Variants in SPTBN1 observed in about 807,000 individuals in gnomAD.
SPTBN1 encodes spectrin beta, non-erythrocytic 1, also known as spectrin beta chain, non-erythrocytic 1.
SPTBN1 carries 32 observed loss-of-function variants against 266.4 expected under a neutral mutation model. The ratio of observed to expected loss-of-function variants is 0.12; its 90% CI spans 0.09 to 0.16. The LOEUF (loss-of-function observed/expected upper bound fraction) is 0.16, where lower values mean the gene tolerates loss of function less well. Among genes scored for constraint, SPTBN1 ranks in the 10% least tolerant of loss-of-function variants. SPTBN1 has a pLI of 1.00. For missense variants in SPTBN1, 2,296 were observed against 3,067.1 expected (o/e 0.75, Z 5.94); for synonymous variants, 1,336 against 1,162.2 (o/e 1.15, Z -3.04).
chr2:54,597,300 A>T (rs893240541), intron 2 of SPTBN1, among the ~76,000 whole-genome samples: 1 of 152,200 alleles, frequency 6.6e-6, no homozygotes, highest in Non-Finnish European at 1.5e-5. Flanking sequence ...CTCCTGAGTC[A>T]CTGTAGTAAA....
intron 1 of SPTBN1, among the ~76,000 whole-genome samples, chr2:54,471,507 A>G (rs1693917515): frequency 6.7e-6 from 1 of 150,166 alleles, no homozygotes; most frequent in Non-Finnish European, 1.5e-5. Flanking sequence ...GGCATTGTGC[A>G]AAGTGACCTG....
chr2:54,590,907 C>T (rs567675534), intron 2 of SPTBN1, among the ~76,000 whole-genome samples: 9 of 152,236 alleles, frequency 5.9e-5, no homozygotes, highest in African/African-American at 2.2e-4. Context: ...TTTGAAAAAC[C>T]ACTGATTGAG....
intron 1 of SPTBN1, among the ~76,000 whole-genome samples, chr2:54,500,763 C>A (rs1177612074): frequency 6.6e-6 from 1 of 151,952 alleles, no homozygotes; most frequent in East Asian, 2.0e-4. Context: ...GTCTCAAACT[C>A]CTAGCCTCAA....
intron 1 of SPTBN1, among the ~76,000 whole-genome samples, chr2:54,517,890 C>T (rs959143750): frequency 4.0e-5 from 6 of 151,326 alleles, no homozygotes; most frequent in South Asian, 4.2e-4. Flanking sequence ...ATGATCCGCC[C>T]GCCTCAGCCT....
intron 6 of SPTBN1, 118 bp downstream of exon 6, chr2:54,617,806 T>C: frequency 2.0e-6 from 2 of 980,194 alleles, no homozygotes; most frequent in African/African-American, 1.6e-5. Context: ...GGTGGAAATT[T>C]CTGCATTCCA....
intron 17 of SPTBN1, among the ~76,000 whole-genome samples, chr2:54,633,248 C>T (rs759672920): frequency 6.6e-6 from 1 of 152,144 alleles, no homozygotes; most frequent in Admixed American, 6.5e-5. Flanking sequence ...GGAACATTAC[C>T]TGGACTTTTT....
At chr2:54,457,428 G>T (rs79175637) in intron 1 of SPTBN1, 5,623 of 152,706 alleles carry the variant, frequency 0.037, 272 homozygotes, top group East Asian at 0.12. Context: ...TGAGGAGGGG[G>T]TGGGGATCAG....
chr2:54,559,765 AATGG>A (rs1673156977), intron 2 of SPTBN1, among the ~76,000 whole-genome samples: 1 of 152,152 alleles, frequency 6.6e-6, no homozygotes, highest in Non-Finnish European at 1.5e-5. Flanking sequence ...GTAGGCTGGG[AATGG>A]CTCTAGCACT....
At chr2:54,655,310 A>G in intron 28 of SPTBN1, 102 bp downstream of exon 28, 1 of 1,416,100 alleles carries the variant, frequency 7.1e-7, no homozygotes, top group Non-Finnish European at 9.6e-7. Flanking sequence ...TTACATTCTT[A>G]TACACACACA....
intron 2 of SPTBN1, among the ~76,000 whole-genome samples, chr2:54,596,173 G>A (rs6739099): frequency 0.28 from 43,119 of 151,962 alleles, 7,597 homozygotes; most frequent in Non-Finnish European, 0.35. Context: ...GCCTTTCATC[G>A]TCAGTGCCAA....
At chr2:54,467,634 C>G (rs1342147341) in intron 1 of SPTBN1, among the ~76,000 whole-genome samples, 2 of 152,170 alleles carry the variant, frequency 1.3e-5, no homozygotes. Flanking sequence ...ATCCACCCTC[C>G]TTGGCCTCCC....
rs142645788 is a variant in SPTBN1, at chr2:54,628,452, G to A, written c.1798+202G>A. ...ATTGATACATCCTTTCCTTAAATAC[G>A]CAAATGCTGCCTTTGCTTTGAGTGG... On this transcript the variant is annotated intron_variant, in intron 13 of 35. Transcript: ENST00000356805. This position sits in a 1 kb window ranked among gnomAD's most constrained non-coding sequence, Gnocchi z 4.3. Among the ~76,000 whole-genome samples the A allele has an allele frequency of 4.1e-4, 62 of 152,200 alleles. No homozygotes were observed. Among genetic ancestry groups the A allele is most frequent in the East Asian group, 1.7e-3 (9 of 5,178 alleles).
At chr2:54,613,766 G>T (rs1216927250) in intron 4 of SPTBN1, among the ~76,000 whole-genome samples, 1 of 152,182 alleles carries the variant, frequency 6.6e-6, no homozygotes, top group Non-Finnish European at 1.5e-5. Context: ...TTTGAAAATG[G>T]AGTAGCCATT....
intron 1 of SPTBN1, among the ~76,000 whole-genome samples, chr2:54,495,933 T>G (rs1668946350): frequency 6.6e-6 from 1 of 152,132 alleles, no homozygotes; most frequent in Non-Finnish European, 1.5e-5. Context: ...TTAATTCATA[T>G]TAAAGAAAAA....
Position 54,649,763 on chromosome 2 carries a change from A to G in SPTBN1, c.5351A>G (p.Asn1784Ser), listed in dbSNP as rs373840795. The change falls in exon 26 of 36, where the codon AAT becomes AGT. Residue 1784 changes from asparagine (N) to serine (S), a missense_variant. Coordinates refer to ENST00000356805, the MANE Select transcript of SPTBN1 (RefSeq NM_003128.3). This position sits in a 1 kb window ranked among gnomAD's most constrained non-coding sequence, Gnocchi z 6.7. ...ATIAEWKDGLNEAWADLLELI... is the reference protein window; with the variant it reads ...ATIAEWKDGLSEAWADLLELI... ...ATCGCTGAATGGAAGGATGGCCTCA[A>G]TGAAGCCTGGGCCGACCTCCTGGAG... 104 of 1,614,190 alleles carry G rather than the reference A, an allele frequency of 6.4e-5. No individual in the cohort carries two copies. Among genetic ancestry groups the G allele is most frequent in the East Asian group, 4.5e-4 (20 of 44,886 alleles).
intron 2 of SPTBN1, among the ~76,000 whole-genome samples, chr2:54,583,187 C>T (rs1030285240): frequency 6.6e-6 from 1 of 152,020 alleles, no homozygotes; most frequent in Admixed American, 6.6e-5. Context: ...GAAGCTTTGA[C>T]CCCTTGACTC....
intron 1 of SPTBN1, among the ~76,000 whole-genome samples, chr2:54,525,096 C>A (rs1299829422): frequency 6.6e-6 from 1 of 152,130 alleles, no homozygotes; most frequent in Admixed American, 6.5e-5. Context: ...CGTAGTAAGT[C>A]TTCATTGTAT....
Position 54,593,639 on chromosome 2 carries a change from C to T in SPTBN1, c.149-5453C>T, listed in dbSNP as rs1358497199. Among the ~76,000 whole-genome samples, 3 of 151,924 alleles carry T rather than the reference C, an allele frequency of 2.0e-5. No homozygotes were observed. The East Asian group carries it at 5.8e-4, about 29-fold the overall frequency. ...ACATGGAGAAGTGAGGAGACCTATTCTGCATACTCTGAAGGTGGTGCAAGC... is the reference window on the plus strand; with the variant it reads ...ACATGGAGAAGTGAGGAGACCTATTTTGCATACTCTGAAGGTGGTGCAAGC... On this transcript the variant is annotated intron_variant, in intron 2 of 35. Transcript: ENST00000356805.
intron 32 of SPTBN1, chr2:54,661,083 A>G (rs967218265): frequency 2.0e-6 from 2 of 985,302 alleles, no homozygotes; most frequent in African/African-American, 3.5e-5. Flanking sequence ...GTGTCTCTGT[A>G]GACAAACTCC....
Sources: gnomAD v4.1 joint callset for allele counts (sites outside exome capture counted in the v4.1 genomes callset) on GRCh38, gnomAD v4.1.1 for gene constraint, Gnocchi (gnomAD v3.1) non-coding constraint, MANE v1.5 for transcripts, NCBI Gene and HGNC (gene_info 2026-07-23, HGNC 2026-07-21) for gene names.